Variants in TMEM132B observed in about 807,000 individuals in gnomAD.
The protein encoded by TMEM132B is transmembrane protein 132B.
In TMEM132B, 18 loss-of-function variants were observed where a neutral mutation model predicts 90.8. That is an observed-to-expected ratio of 0.20 (90% confidence interval 0.14 to 0.29). The LOEUF (loss-of-function observed/expected upper bound fraction) is 0.29. Ranked by LOEUF, TMEM132B falls within the 10% of genes least tolerant of loss-of-function variation. The pLI is 1.00. For synonymous variants in TMEM132B, 504 were observed against 523.3 expected (o/e 0.96, Z 0.50); for missense variants, 1,096 against 1,326.8 (o/e 0.83, Z 2.70).
chr12:125,555,526 G>C (rs920248200), intron 4 of TMEM132B, among the ~76,000 whole-genome samples: 3 of 136,668 alleles, frequency 2.2e-5, no homozygotes, highest in Non-Finnish European at 3.0e-5. Context: ...GAGAGGTTAA[G>C]TGCAGGAATA....
intron 4 of TMEM132B, among the ~76,000 whole-genome samples, chr12:125,536,675 T>C (rs1305696017): frequency 6.6e-6 from 1 of 152,246 alleles, no homozygotes; most frequent in African/African-American, 2.4e-5. Context: ...CTTTACCAGA[T>C]GGATCATTTG....
In TMEM132B at chr12:125,415,822, A is replaced by G. The variant is rs1167765850; in HGVS notation, c.1106+145A>G. ...ATTTTTGAGGTCGGCAGTCTCAAAAATCACCAGAGTTCACATTTATCACAG... is the reference window on the plus strand; with the variant it reads ...ATTTTTGAGGTCGGCAGTCTCAAAAGTCACCAGAGTTCACATTTATCACAG... On this transcript the variant is annotated intron_variant, in intron 3 of 8. Transcript: ENST00000682704. The surrounding 1 kb of genome is among the most constrained non-coding windows in gnomAD (Gnocchi z 5.3). 8.8e-7 allele frequency: 1 copy of G among 1,142,544 alleles called. No individual in the cohort carries two copies. Among genetic ancestry groups the G allele is most frequent in the African/African-American group, 1.6e-5 (1 of 63,188 alleles). 70.8% of individuals were successfully genotyped at this position (1,142,544 alleles called of 1,614,324 possible).
rs142936108 is a variant in TMEM132B at position 125,258,704 on chromosome 12, A to G, written c.67+71838A>G. ...TTGGTGGGAAGAATGACAAGATGAC[A>G]TTGTAGAAGAGCTTGTGGCATGGGA... On this transcript the variant is annotated intron_variant, in intron 1 of 8. Transcript: ENST00000682704. Among the ~76,000 whole-genome samples, 801 of 152,302 alleles carry G rather than the reference A, an allele frequency of 5.3e-3. 21 individuals carry two copies. The highest frequency in any genetic ancestry group is 0.046 in the Admixed American group (707 of 15,298).
At chr12:125,431,574 TC>T (rs11357079) in intron 3 of TMEM132B, among the ~76,000 whole-genome samples, 53,204 of 151,752 alleles carry the variant, frequency 0.35, 10,021 homozygotes, top group African/African-American at 0.51. Flanking sequence ...AACCAGGTCT[TC>T]CTGTGGGCCA....
At chr12:125,376,095 C>T (rs1329567994) in intron 2 of TMEM132B, among the ~76,000 whole-genome samples, 1 of 152,226 alleles carries the variant, frequency 6.6e-6, no homozygotes, top group Non-Finnish European at 1.5e-5. Flanking sequence ...GCTCCAGTCT[C>T]TTGCACCCCC....
intron 2 of TMEM132B, among the ~76,000 whole-genome samples, chr12:125,387,285 A>G (rs1475945835): frequency 6.6e-6 from 1 of 152,206 alleles, no homozygotes; most frequent in African/African-American, 2.4e-5. Flanking sequence ...AGCTTAGTCC[A>G]CAAGCACAGC....
chr12:125,501,923 G>C (rs1258680862), intron 3 of TMEM132B, among the ~76,000 whole-genome samples: 2 of 152,204 alleles, frequency 1.3e-5, no homozygotes, highest in African/African-American at 2.4e-5. Context: ...GTGTAGCATT[G>C]ATTTTCCAGT....
intron 1 of TMEM132B, among the ~76,000 whole-genome samples, chr12:125,255,953 C>A (rs372295619): frequency 6.6e-6 from 1 of 152,232 alleles, no homozygotes; most frequent in South Asian, 2.1e-4. Flanking sequence ...CTGTTGTCAA[C>A]CCTAATCACT....
intron 5 of TMEM132B, among the ~76,000 whole-genome samples, chr12:125,609,164 G>A (rs745721245): frequency 3.9e-5 from 6 of 152,084 alleles, no homozygotes; most frequent in Non-Finnish European, 8.8e-5. Flanking sequence ...ACTTGGTCCC[G>A]CCCTTGACTC....
chr12:125,411,326 T>C (rs1666841), intron 2 of TMEM132B, among the ~76,000 whole-genome samples: 103,470 of 145,174 alleles, frequency 0.71, 36,944 homozygotes, highest in African/African-American at 0.83. Context: ...TACATGGGCA[T>C]AGGGAGGGGA....
At chr12:125,391,362 G>C (rs1393675753) in intron 2 of TMEM132B, among the ~76,000 whole-genome samples, 1 of 152,198 alleles carries the variant, frequency 6.6e-6, no homozygotes, top group Non-Finnish European at 1.5e-5. Flanking sequence ...CTTGCCCTTA[G>C]ATTGGGGCCT....
At chr12:125,223,048 A>G (rs1873595294) in intron 1 of TMEM132B, among the ~76,000 whole-genome samples, 2 of 152,256 alleles carry the variant, frequency 1.3e-5, no homozygotes, top group Non-Finnish European at 2.9e-5. Context: ...GATTTCAGGA[A>G]GTCGATGAAA....
intron 4 of TMEM132B, among the ~76,000 whole-genome samples, chr12:125,554,891 C>A (rs187754585): frequency 5.3e-5 from 8 of 152,224 alleles, no homozygotes; most frequent in Admixed American, 1.3e-4. Context: ...TCTTTGTTGG[C>A]GAGTTTCATC....
chr12:125,563,113 A>C (rs1020076454), intron 4 of TMEM132B, among the ~76,000 whole-genome samples: 1 of 150,780 alleles, frequency 6.6e-6, no homozygotes, highest in South Asian at 2.1e-4. Flanking sequence ...CAATGGGAAC[A>C]TCAAAGATCA....
At chr12:125,342,282 C>T (rs1877207517) in intron 1 of TMEM132B, among the ~76,000 whole-genome samples, 2 of 152,142 alleles carry the variant, frequency 1.3e-5, no homozygotes, top group Non-Finnish European at 2.9e-5. Flanking sequence ...TGAGGCTGTA[C>T]GGGGATGGTT....
chr12:125,458,187 T>C lies in TMEM132B; in HGVS notation c.1106+42510T>C, dbSNP rs1214755923. Among the ~76,000 whole-genome samples, 1 of 151,750 alleles carries C rather than the reference T, an allele frequency of 6.6e-6. No homozygotes were observed. The highest frequency in any genetic ancestry group is 2.4e-5 in the African/African-American group (1 of 41,270). ...GGGGATGGAGCTGAGTGGGAGGCAG[T>C]GGCGTCCCTGAGGCCAAAAACAAGG... On this transcript the variant is annotated intron_variant, in intron 3 of 8. Coordinates refer to ENST00000682704, the MANE Select transcript of TMEM132B (RefSeq NM_001366854.1). The surrounding 1 kb of genome is among the most constrained non-coding windows in gnomAD (Gnocchi z 4.9).
At chr12:125,332,376 G>T (rs1379386662) in intron 1 of TMEM132B, among the ~76,000 whole-genome samples, 1 of 151,992 alleles carries the variant, frequency 6.6e-6, no homozygotes, top group Admixed American at 6.5e-5. Context: ...GGCAACTCTT[G>T]TAGCAGGCAA....
At chr12:125,640,327 G>A (rs1046917209) in intron 5 of TMEM132B, among the ~76,000 whole-genome samples, 5 of 152,216 alleles carry the variant, frequency 3.3e-5, no homozygotes, top group African/African-American at 1.2e-4. Context: ...TAGAAAAGAG[G>A]AAAGTGTATG....
At chr12:125,290,730 G>A (rs537457386) in intron 1 of TMEM132B, among the ~76,000 whole-genome samples, 1 of 152,276 alleles carries the variant, frequency 6.6e-6, no homozygotes, top group South Asian at 2.1e-4. Flanking sequence ...GCTGCTTGCT[G>A]TTTCTTGCCA....
Sources: gnomAD v4.1 joint callset for allele counts (sites outside exome capture counted in the v4.1 genomes callset) on GRCh38, gnomAD v4.1.1 for gene constraint, Gnocchi (gnomAD v3.1) non-coding constraint, MANE v1.5 for transcripts, NCBI Gene and HGNC (gene_info 2026-07-23, HGNC 2026-07-21) for gene names.